The following MICAL3 variants were observed in gnomAD, a reference collection of about 807,000 sequenced individuals.
MICAL3 encodes the protein microtubule associated monooxygenase, calponin and LIM domain containing 3.
In MICAL3, 62 loss-of-function variants were observed where a neutral mutation model predicts 207.4. The observed-to-expected ratio is 0.30, with a 90% CI of 0.24 to 0.37. The LOEUF (loss-of-function observed/expected upper bound fraction) is 0.37. Ranked by LOEUF, MICAL3 falls within the 10% of genes least tolerant of loss-of-function variation. The pLI, the probability that MICAL3 is intolerant of heterozygous loss-of-function variation, is 1.00. For synonymous variants in MICAL3, 1,077 were observed against 1,069.3 expected (o/e 1.01, Z -0.14); for missense variants, 2,368 against 2,635.6 (o/e 0.90, Z 2.22).
Position 17,884,285 on chromosome 22 carries a change from C to CG in MICAL3, c.2241+1592dup, listed in dbSNP as rs764722045. 20 of 1,588,606 alleles carry CG rather than the reference C, an allele frequency of 1.3e-5. No individual in the cohort carries two copies. In the Admixed American group the frequency reaches 2.9e-4, roughly 23 times the overall value. ...TGGCAGTTCCTTTACCTGTTTCCACCGGGGGGTGGGGGCAGGGCGAACCTG... is the reference window on the plus strand; with the variant it reads ...TGGCAGTTCCTTTACCTGTTTCCACCGGGGGGGTGGGGGCAGGGCGAACCTG... On this transcript the variant is annotated intron_variant, in intron 16 of 31. Transcript: ENST00000441493.
chr22:17,955,030 CT>C (rs931217258), intron 1 of MICAL3, among the ~76,000 whole-genome samples: 1 of 152,080 alleles, frequency 6.6e-6, no homozygotes, highest in African/African-American at 2.4e-5. Flanking sequence ...AGCTTCAAGT[CT>C]TTTTTTAACT....
intron 1 of MICAL3, among the ~76,000 whole-genome samples, chr22:17,913,996 G>C (rs961743105): frequency 2.6e-5 from 4 of 152,124 alleles, no homozygotes; most frequent in Non-Finnish European, 4.4e-5. Context: ...AAAATCACAG[G>C]GTTTTGTAGG....
At chr22:17,903,340 G>A (rs751180278) in intron 3 of MICAL3, among the ~76,000 whole-genome samples, 17 of 152,212 alleles carry the variant, frequency 1.1e-4, no homozygotes, top group Admixed American at 1.3e-4. Context: ...TTTTCATAGT[G>A]AGACTGATTG....
intron 10 of MICAL3, among the ~76,000 whole-genome samples, chr22:17,894,166 GT>G (rs2146240084): frequency 6.6e-6 from 1 of 152,196 alleles, no homozygotes; most frequent in South Asian, 2.1e-4. Flanking sequence ...AATCCCTATA[GT>G]TGGGGAGGCC....
At chr22:17,823,237 C>G (rs1041368063) in intron 22 of MICAL3, among the ~76,000 whole-genome samples, 177 bp from the exon 23 acceptor site, 3 of 152,120 alleles carry the variant, frequency 2.0e-5, no homozygotes, top group Non-Finnish European at 2.9e-5. Flanking sequence ...CTGGGGGGGG[C>G]CCGGGGCCCC....
chr22:17,800,344 G>A (rs1269989378), intron 29 of MICAL3, among the ~76,000 whole-genome samples: 23 of 152,174 alleles, frequency 1.5e-4, no homozygotes, highest in Admixed American at 1.5e-3. Context: ...GTCTGTTCTA[G>A]TGCAATAAAG....
rs757567644 is a variant in MICAL3, at chr22:17,864,890, T to C, written c.2605+9A>G. 5 of 1,613,610 alleles carry C rather than the reference T, an allele frequency of 3.1e-6. No individual in the cohort carries two copies. The South Asian group carries it at 4.4e-5, about 14-fold the overall frequency. On this transcript the variant is annotated intron_variant, in intron 19 of 31. Coordinates refer to ENST00000441493, the MANE Select transcript of MICAL3 (RefSeq NM_015241.3). ...CGCGCCACCCAGCCAAACAAGGAAG[T>C]GAGGCTACCTGGGGTTCTCTCAGTG...
chr22:18,013,473 C>G (rs1479954922), intron 1 of MICAL3, among the ~76,000 whole-genome samples: 3 of 152,174 alleles, frequency 2.0e-5, no homozygotes, highest in Admixed American at 6.5e-5. Context: ...GTGTCACAGT[C>G]AGAATCTGAA....
At chr22:17,877,055 G>A (rs1928637544) in intron 16 of MICAL3, among the ~76,000 whole-genome samples, 1 of 146,462 alleles carries the variant, frequency 6.8e-6, no homozygotes, top group Non-Finnish European at 1.5e-5. Context: ...TGGAGGTTAG[G>A]GAGGTTATGG....
At chr22:17,920,733 C>T (rs1932782615) in intron 1 of MICAL3, among the ~76,000 whole-genome samples, 1 of 152,136 alleles carries the variant, frequency 6.6e-6, no homozygotes, top group Admixed American at 6.5e-5. Context: ...AAGTCTACCC[C>T]ACACGGAGTC....
intron 29 of MICAL3, among the ~76,000 whole-genome samples, chr22:17,804,523 C>CA (rs933315359): frequency 6.6e-5 from 10 of 152,254 alleles, no homozygotes; most frequent in African/African-American, 1.9e-4. Flanking sequence ...GTTCTTCCCC[C>CA]AGGCACTCGG....
intron 22 of MICAL3, among the ~76,000 whole-genome samples, chr22:17,825,069 G>C (rs1179692719): frequency 6.6e-6 from 1 of 152,146 alleles, no homozygotes; most frequent in Non-Finnish European, 1.5e-5. Flanking sequence ...CCAGCACCAA[G>C]GAGACCCAAA....
intron 1 of MICAL3, among the ~76,000 whole-genome samples, chr22:17,986,978 T>C (rs1354325202): frequency 6.6e-6 from 1 of 151,964 alleles, no homozygotes; most frequent in African/African-American, 2.4e-5. Context: ...GTGGCTCACA[T>C]CTGTAATTCC....
intron 16 of MICAL3, chr22:17,879,331 T>A (rs373203331): frequency 6.2e-7 from 1 of 1,603,076 alleles, no homozygotes; most frequent in South Asian, 1.1e-5. Flanking sequence ...ATGCCACGGG[T>A]TCATGCTCTT....
chr22:17,997,757 G>A (rs758429056), intron 1 of MICAL3, among the ~76,000 whole-genome samples: 21 of 152,132 alleles, frequency 1.4e-4, no homozygotes, highest in Non-Finnish European at 2.9e-4. Context: ...CCGTAAAACT[G>A]GGGATGATAA....
intron 19 of MICAL3, chr22:17,862,414 C>A: frequency 2.2e-6 from 1 of 462,654 alleles, no homozygotes; most frequent in Non-Finnish European, 2.8e-6. Flanking sequence ...GCCACCACAC[C>A]ACACCCGGCT....
Position 17,911,646 on chromosome 22 carries a change from AAGACGGTG to A in MICAL3, c.-74-4768_-74-4761del, listed in dbSNP as rs532375815. On this transcript the variant is annotated intron_variant, in intron 1 of 31. Coordinates refer to ENST00000441493, the MANE Select transcript of MICAL3 (RefSeq NM_015241.3). ...CCAGGAGTTCAAGACCAGCCTGGGCAAGACGGTGAGATCCTGTCTCTTCAAAAACAAAA... is the reference window on the plus strand; with the variant it reads ...CCAGGAGTTCAAGACCAGCCTGGGCAAGATCCTGTCTCTTCAAAAACAAAA... Among the ~76,000 whole-genome samples the A allele has an allele frequency of 2.0e-4, 30 of 152,258 alleles. 1 individual carries two copies. The South Asian group carries it at 5.6e-3, about 28-fold the overall frequency.
At chr22:17,992,181 C>T (rs1314355904) in intron 1 of MICAL3, among the ~76,000 whole-genome samples, 2 of 152,202 alleles carry the variant, frequency 1.3e-5, no homozygotes, top group Admixed American at 6.5e-5. Context: ...AAAGTGGTGA[C>T]GGGCCCAAGG....
chr22:17,875,494 G>C, intron 16 of MICAL3: 1 of 1,556,384 alleles, frequency 6.4e-7, no homozygotes, highest in Non-Finnish European at 8.7e-7. Flanking sequence ...GCAGAGGAGC[G>C]GAGACTAAGA....
Sources: gnomAD v4.1 joint callset for allele counts (sites outside exome capture counted in the v4.1 genomes callset) on GRCh38, gnomAD v4.1.1 for gene constraint, MANE v1.5 for transcripts, NCBI Gene and HGNC (gene_info 2026-07-23, HGNC 2026-07-21) for gene names.